BPIFB2: variants seen among roughly 807,000 people sequenced by gnomAD.
BPIFB2 encodes the protein BPI fold containing family B member 2.
A neutral mutation model predicts 50.1 loss-of-function variants in BPIFB2; 39 were observed. The ratio of observed to expected loss-of-function variants is 0.78; its 90% CI spans 0.60 to 1.02. BPIFB2 has a LOEUF of 1.02. Ranked by LOEUF, BPIFB2 falls within the 50% of genes least tolerant of loss-of-function variation. BPIFB2 has a pLI of 0.00. For synonymous variants in BPIFB2, 280 were observed against 256.3 expected, an observed-to-expected ratio of 1.09 and a Z score of -0.88; for missense variants, 574 against 585.8, an observed-to-expected ratio of 0.98 and a Z score of 0.21.
In BPIFB2 at chr20:33,009,788, T is replaced by G. The variant is rs1990261796; in HGVS notation, c.109+1105T>G. Among the ~76,000 whole-genome samples, 1 of 152,230 alleles carries G rather than the reference T, an allele frequency of 6.6e-6. No individual in the cohort carries two copies. Among genetic ancestry groups the G allele is most frequent in the South Asian group, 2.1e-4 (1 of 4,836 alleles). On this transcript the variant is annotated intron_variant, in intron 2 of 15. Coordinates refer to ENST00000170150, the MANE Select transcript of BPIFB2 (RefSeq NM_025227.3). This position sits in a 1 kb window ranked among gnomAD's most constrained non-coding sequence, Gnocchi z 4.2. ...GGGAGCCCTCCCCAGCTTGCCTGCC[T>G]GTGTTTGTTTTTGGCAGAAATCTGG...
Position 33,015,498 on chromosome 20 carries a change from T to C in BPIFB2, c.516+2T>C, listed in dbSNP as rs770497518. On this transcript the variant is annotated splice_donor_variant, in intron 6 of 15. Transcript: ENST00000170150. LOFTEE classifies it high-confidence loss of function. ...ATTAAAGCTGTCTTGAGTAACAAGG[T>C]AAAGGGCTTGCAGATTTCTCAGAAA... is the stretch of plus-strand genomic sequence containing the variant. 2.5e-6 allele frequency: 4 copies of C among 1,606,768 alleles called. No individual in the cohort carries two copies. The Admixed American group carries it at 6.7e-5, about 27-fold the overall frequency.
intron 10 of BPIFB2, 137 bp downstream of exon 10, chr20:33,019,252 T>C (rs1433325843): frequency 1.9e-6 from 2 of 1,066,378 alleles, no homozygotes; most frequent in South Asian, 2.8e-5. Context: ...CTCCTCCATC[T>C]TGGGGAGGCT....
chr20:33,016,230 A>G (rs1346147873), intron 6 of BPIFB2, among the ~76,000 whole-genome samples: 2 of 152,080 alleles, frequency 1.3e-5, no homozygotes, highest in Non-Finnish European at 2.9e-5. Context: ...CGACTGCAAC[A>G]TGCCCACCTT....
At position 33,009,941 on chromosome 20, in the gene BPIFB2, C is replaced by G. The variant is rs1370258649; in HGVS notation, c.110-1083C>G. ...GTCAAGGGAGCACTGTAGATGGAGT[C>G]TGAGGTCTGGGTGTGAGTTCCAGCT... On this transcript the variant is annotated intron_variant, in intron 2 of 15. Coordinates refer to ENST00000170150, the MANE Select transcript of BPIFB2 (RefSeq NM_025227.3). The surrounding 1 kb of genome is among the most constrained non-coding windows in gnomAD (Gnocchi z 4.2). 6.6e-6 allele frequency among the ~76,000 whole-genome samples: 1 copy of G among 152,234 alleles called. No individual in the cohort carries two copies. The highest frequency in any genetic ancestry group is 2.4e-5 in the African/African-American group (1 of 41,464).
chr20:33,019,223 G>A lies in BPIFB2; in HGVS notation c.909+108G>A. On this transcript the variant is annotated intron_variant, in intron 10 of 15. Coordinates refer to ENST00000170150, the MANE Select transcript of BPIFB2 (RefSeq NM_025227.3). ...TCTTATCTGTCCCAAGTGAAGTTCA[G>A]CATCTGTCCTTAAACCTACTCCTCC... The A allele has an allele frequency of 5.7e-6, 8 of 1,394,232 alleles. No individual in the cohort carries two copies. In the South Asian group the frequency reaches 8.3e-5, roughly 14 times the overall value. The allele number at this position is 1,394,232 out of a possible 1,614,324, so 86.4% of individuals were successfully genotyped here. A position where few individuals can be genotyped will look rare whatever the true frequency, so the allele number is the denominator to read the frequency against.
At chr20:33,021,829 C>A (rs776730751) in intron 15 of BPIFB2, 30 bp downstream of exon 15, 26 of 1,595,184 alleles carry the variant, frequency 1.6e-5, no homozygotes, top group Non-Finnish European at 1.6e-5. Context: ...ACCAGAGGGG[C>A]CTCCTTCACT....
chr20:33,017,180 C>A lies in BPIFB2; in HGVS notation c.577+78C>A. 1.5e-6 allele frequency: 2 copies of A among 1,378,586 alleles called. 1 individual carries two copies. The highest frequency in any genetic ancestry group is 2.4e-5 in the South Asian group (2 of 82,084). 85.4% of individuals were successfully genotyped at this position (1,378,586 alleles called of 1,614,324 possible). A position where few individuals can be genotyped will look rare whatever the true frequency, so the allele number is the denominator to read the frequency against. ...CCCCTAGAACCCTCCAAAGGCTCCA[C>A]TCTGGATCACGGTCGACCTCTAGGA... On this transcript the variant is annotated intron_variant, in intron 7 of 15. Coordinates refer to ENST00000170150, the MANE Select transcript of BPIFB2 (RefSeq NM_025227.3).
At chr20:33,020,225 A>T in intron 11 of BPIFB2, 103 bp from the exon 12 acceptor site, 1 of 1,143,472 alleles carries the variant, frequency 8.7e-7, no homozygotes, top group Non-Finnish European at 1.3e-6. Context: ...GGCTCCACAG[A>T]CACCTGCTGC....
intron 1 of BPIFB2, among the ~76,000 whole-genome samples, chr20:33,008,264 G>C (rs569257619): frequency 1.9e-4 from 29 of 152,022 alleles, no homozygotes; most frequent in Non-Finnish European, 4.1e-4. Flanking sequence ...CTTGGGTCCT[G>C]CACCTGGTCC....
intron 4 of BPIFB2, 75 bp downstream of exon 4, chr20:33,012,982 G>T: frequency 8.0e-6 from 10 of 1,244,888 alleles, no homozygotes; most frequent in South Asian, 1.2e-5. Context: ...GGGACGGGGG[G>T]TAGCAACTCC....
At position 33,018,795 on chromosome 20, in the gene BPIFB2, C is replaced by G. The variant is rs1244170303; in HGVS notation, c.828C>G (p.Ala276=). The change falls in exon 9 of 16, where the codon GCC becomes GCG. Residue 276 remains alanine, a synonymous_variant. Transcript: ENST00000170150. The part of the protein sequence containing the change: ...SALLLLQKAG[A]LNLDITGQLR... ...TCCTGCTGCTGCAGAAGGCCGGTGC[C>G]CTCAACCTGGACATCACAGGGCAGC... The G allele has an allele frequency of 6.2e-7, 1 of 1,613,326 alleles. No homozygotes were observed. Among genetic ancestry groups the G allele is most frequent in the East Asian group, 2.2e-5 (1 of 44,880 alleles).
chr20:33,011,174 C>A, intron 3 of BPIFB2, 57 bp downstream of exon 3: 1 of 1,545,004 alleles, frequency 6.5e-7, no homozygotes, highest in Non-Finnish European at 8.9e-7. Flanking sequence ...AGTGTTCCTG[C>A]TTGCCAGGTG....
chr20:33,015,254 T>C (rs543139207), intron 5 of BPIFB2, among the ~76,000 whole-genome samples, 182 bp from the exon 6 acceptor site: 8 of 152,164 alleles, frequency 5.3e-5, no homozygotes, highest in Non-Finnish European at 1.0e-4. Flanking sequence ...TGAGACTCAA[T>C]TTCCTCATCT....
intron 14 of BPIFB2, among the ~76,000 whole-genome samples, 162 bp from the exon 15 acceptor site, chr20:33,021,561 C>T (rs1039003191): frequency 6.6e-6 from 1 of 152,252 alleles, no homozygotes; most frequent in African/African-American, 2.4e-5. Context: ...TCACCAAGTT[C>T]CTTTTTCTCT....
chr20:33,008,954 C>T (rs918311380), intron 2 of BPIFB2, among the ~76,000 whole-genome samples: 6 of 152,028 alleles, frequency 3.9e-5, no homozygotes, highest in Non-Finnish European at 7.4e-5. Context: ...GGGCATAGGT[C>T]GGTTTGAGGG....
intron 3 of BPIFB2, among the ~76,000 whole-genome samples, chr20:33,011,406 T>G (rs541096747): frequency 1.1e-4 from 17 of 152,284 alleles, no homozygotes; most frequent in East Asian, 3.9e-4. Context: ...GGGCTAAGAG[T>G]GGCTCCTGGG....
Position 33,023,512 on chromosome 20 carries a change from G to C in BPIFB2, c.*129G>C. The C allele has an allele frequency of 1.8e-6, 2 of 1,136,544 alleles. No homozygotes were observed. The highest frequency in any genetic ancestry group is 2.6e-6 in the Non-Finnish European group (2 of 771,872). 70.4% of individuals were successfully genotyped at this position (1,136,544 alleles called of 1,614,324 possible). On this transcript the variant is annotated 3_prime_UTR_variant, in exon 16 of 16. Transcript: ENST00000170150. ...ACCAACAAGCTGGACTGCTTAGCTG[G>C]GCTGTTTTATCTTCCCTGAGTGCCT...
Position 33,009,706 on chromosome 20 carries a change from C to T in BPIFB2, c.109+1023C>T, listed in dbSNP as rs757174189. Among the ~76,000 whole-genome samples, 4 of 152,248 alleles carry T rather than the reference C, an allele frequency of 2.6e-5. No homozygotes were observed. The highest frequency in any genetic ancestry group is 4.8e-5 in the African/African-American group (2 of 41,468). On this transcript the variant is annotated intron_variant, in intron 2 of 15. Coordinates refer to ENST00000170150, the MANE Select transcript of BPIFB2 (RefSeq NM_025227.3). The surrounding 1 kb of genome is among the most constrained non-coding windows in gnomAD (Gnocchi z 4.2). ...CCTGCAGGTAGGGCCATGAGGCCCG[C>T]GCCCTCCGCCGCCTTCCTGCCCTCT...
chr20:33,017,691 G>T lies in BPIFB2; in HGVS notation c.578-568G>T, dbSNP rs575608257. On this transcript the variant is annotated intron_variant, in intron 7 of 15. Transcript: ENST00000170150. Reference sequence around the variant, plus strand: ...GTTCTCATAGGAGACAGTGTGATGAGGTGGGAAGAGCATAGCTTTGGGGTC... The same window carrying T: ...GTTCTCATAGGAGACAGTGTGATGATGTGGGAAGAGCATAGCTTTGGGGTC... Among the ~76,000 whole-genome samples the T allele has an allele frequency of 3.3e-5, 5 of 152,342 alleles. No homozygotes were observed. In the South Asian group the frequency reaches 1.0e-3, roughly 32 times the overall value.
Sources: allele counts gnomAD v4.1 joint callset (sites outside exome capture counted in the v4.1 genomes callset), GRCh38; gene constraint gnomAD v4.1.1; non-coding constraint Gnocchi (gnomAD v3.1); transcripts MANE v1.5; gene names NCBI Gene and HGNC (gene_info 2026-07-23, HGNC 2026-07-21).